The following NT5DC1 variants were observed in gnomAD, a reference collection of about 807,000 sequenced individuals.
NT5DC1 encodes 5'-nucleotidase domain containing 1, also known as 5'-nucleotidase domain-containing protein 1.
In NT5DC1, 42 loss-of-function variants were observed where a neutral mutation model predicts 59.4. That is an observed-to-expected ratio of 0.71 (90% confidence interval 0.55 to 0.92). NT5DC1 has a LOEUF of 0.92. Ranked by LOEUF, NT5DC1 falls within the 40% of genes least tolerant of loss-of-function variation. The pLI is 0.00. For synonymous variants in NT5DC1, 172 were observed against 188.1 expected (o/e 0.91, Z 0.70); for missense variants, 501 against 537.1 (o/e 0.93, Z 0.66).
intron 6 of NT5DC1, among the ~76,000 whole-genome samples, chr6:116,132,581 C>T (rs977308894): frequency 6.6e-6 from 1 of 151,976 alleles, no homozygotes; most frequent in African/African-American, 2.4e-5. Context: ...TCATCCACAT[C>T]AATCATTTTA....
intron 6 of NT5DC1, among the ~76,000 whole-genome samples, chr6:116,146,446 C>A (rs1210193251): frequency 6.6e-6 from 1 of 152,118 alleles, no homozygotes; most frequent in Non-Finnish European, 1.5e-5. Flanking sequence ...ACTGGAGTTG[C>A]TTTACTCAAA....
At chr6:116,179,810 T>A (rs945183478) in intron 6 of NT5DC1, among the ~76,000 whole-genome samples, 1 of 152,048 alleles carries the variant, frequency 6.6e-6, no homozygotes, top group African/African-American at 2.4e-5. Flanking sequence ...TAGAGTAATC[T>A]TATTTCTTTT....
intron 6 of NT5DC1, among the ~76,000 whole-genome samples, chr6:116,130,483 G>C (rs1314288775): frequency 1.3e-5 from 2 of 151,392 alleles, no homozygotes; most frequent in Non-Finnish European, 2.9e-5. Flanking sequence ...CTAATGTTTT[G>C]TACCTTTCGT....
chr6:116,199,404 T>A (rs907983026), intron 6 of NT5DC1, among the ~76,000 whole-genome samples: 1 of 152,102 alleles, frequency 6.6e-6, no homozygotes, highest in African/African-American at 2.4e-5. Context: ...CTGCTATTAT[T>A]AGCCTTGGCA....
chr6:116,186,344 G>T (rs1780998334), intron 6 of NT5DC1, among the ~76,000 whole-genome samples: 1 of 149,730 alleles, frequency 6.7e-6, no homozygotes, highest in South Asian at 2.1e-4. Flanking sequence ...CCTGGTGACT[G>T]TGTGCCTAGG....
At chr6:116,189,458 C>G (rs1018010501) in intron 6 of NT5DC1, among the ~76,000 whole-genome samples, 1 of 151,824 alleles carries the variant, frequency 6.6e-6, no homozygotes, top group Admixed American at 6.6e-5. Context: ...ATATACCTCC[C>G]TCTCATTTCT....
chr6:116,117,789 G>A, intron 5 of NT5DC1, 72 bp from the exon 6 acceptor site: 2 of 826,608 alleles, frequency 2.4e-6, no homozygotes, highest in Non-Finnish European at 4.1e-6. Flanking sequence ...CATTGTAATT[G>A]TTTGCCAGCA....
At chr6:116,152,488 A>C (rs1338840534) in intron 6 of NT5DC1, among the ~76,000 whole-genome samples, 1 of 152,108 alleles carries the variant, frequency 6.6e-6, no homozygotes, top group African/African-American at 2.4e-5. Flanking sequence ...TATCTACCCC[A>C]CCGTGCCAGA....
intron 8 of NT5DC1, among the ~76,000 whole-genome samples, chr6:116,227,937 G>A (rs1217288613): frequency 6.6e-6 from 1 of 152,138 alleles, no homozygotes; most frequent in South Asian, 2.1e-4. Flanking sequence ...TGTTTTCTTT[G>A]TGGTTGCGTA....
At chr6:116,177,633 T>C (rs1780762844) in intron 6 of NT5DC1, among the ~76,000 whole-genome samples, 1 of 152,168 alleles carries the variant, frequency 6.6e-6, no homozygotes, top group Admixed American at 6.5e-5. Flanking sequence ...TCTTATACTT[T>C]TTACTTAAAG....
intron 8 of NT5DC1, among the ~76,000 whole-genome samples, chr6:116,227,034 ATTT>A (rs1327749208): frequency 6.6e-6 from 1 of 152,110 alleles, no homozygotes; most frequent in Non-Finnish European, 1.5e-5. Flanking sequence ...ACAATATATT[ATTT>A]TTAACTCTGC....
At chr6:116,207,903 A>G (rs533897087) in intron 6 of NT5DC1, among the ~76,000 whole-genome samples, 2 of 151,992 alleles carry the variant, frequency 1.3e-5, no homozygotes, top group African/African-American at 4.8e-5. Flanking sequence ...TTTGTTATTT[A>G]TATTGATTTG....
intron 6 of NT5DC1, among the ~76,000 whole-genome samples, chr6:116,153,190 T>G (rs982196180): frequency 1.3e-4 from 20 of 152,106 alleles, no homozygotes; most frequent in African/African-American, 4.3e-4. Context: ...GTAGGGTTAT[T>G]AGAATTAAGA....
At chr6:116,222,059 C>T (rs1031030024) in intron 7 of NT5DC1, among the ~76,000 whole-genome samples, 2 of 152,176 alleles carry the variant, frequency 1.3e-5, no homozygotes, top group Admixed American at 6.5e-5. Context: ...CCTTCACCAG[C>T]CCTTTTAGCA....
intron 6 of NT5DC1, among the ~76,000 whole-genome samples, chr6:116,219,542 A>G (rs1043630661): frequency 6.6e-6 from 1 of 152,174 alleles, no homozygotes; most frequent in Non-Finnish European, 1.5e-5. Context: ...TCAGAGGAAG[A>G]TGAAACCCGA....
intron 6 of NT5DC1, among the ~76,000 whole-genome samples, chr6:116,195,790 G>A (rs985603027): frequency 2.6e-5 from 4 of 152,012 alleles, no homozygotes; most frequent in African/African-American, 9.7e-5. Context: ...CAAATTTAAT[G>A]TGCACAGAAC....
chr6:116,167,414 G>A (rs7739793), intron 6 of NT5DC1, among the ~76,000 whole-genome samples: 77,161 of 151,514 alleles, frequency 0.51, 20,731 homozygotes, highest in African/African-American at 0.69. Flanking sequence ...GTGTTTCACC[G>A]TGTTAGCCAG....
intron 1 of NT5DC1, among the ~76,000 whole-genome samples, chr6:116,101,692 G>A (rs1778660897): frequency 6.6e-6 from 1 of 152,114 alleles, no homozygotes; most frequent in African/African-American, 2.4e-5. Context: ...GCGAAGTTTG[G>A]GTCCTCACTG....
intron 6 of NT5DC1, among the ~76,000 whole-genome samples, chr6:116,142,762 T>G (rs1240272957): frequency 1.3e-5 from 2 of 152,214 alleles, no homozygotes; most frequent in African/African-American, 2.4e-5. Context: ...CTTGTTTCTT[T>G]TTGTTTCTTG....
Sources: allele counts gnomAD v4.1 joint callset (sites outside exome capture counted in the v4.1 genomes callset), GRCh38; gene constraint gnomAD v4.1.1; transcripts MANE v1.5; gene names NCBI Gene and HGNC (gene_info 2026-07-23, HGNC 2026-07-21).